The following NCAM1 variants were observed in gnomAD, a reference collection of about 807,000 sequenced individuals.
NCAM1 encodes the protein neural cell adhesion molecule 1, also known as antigen recognized by monoclonal antibody 5.1H11.
Under a neutral mutation model 109.8 loss-of-function variants are expected in NCAM1, and 14 were observed. The observed-to-expected ratio is 0.13, with a 90% CI of 0.08 to 0.20. The LOEUF is 0.20. Among genes scored for constraint, NCAM1 ranks in the 10% least tolerant of loss-of-function variants. The pLI, the probability that NCAM1 is intolerant of heterozygous loss-of-function variation, is 1.00. For missense variants in NCAM1, 774 were observed against 1,109.9 expected (o/e 0.70, Z 4.30); for synonymous variants, 418 against 442.9 (o/e 0.94, Z 0.70).
intron 1 of NCAM1, among the ~76,000 whole-genome samples, chr11:113,112,628 C>G (rs943911238): frequency 1.3e-5 from 2 of 152,246 alleles, no homozygotes; most frequent in South Asian, 4.1e-4. Context: ...CATTGTTCAC[C>G]ATTATGTAGA....
chr11:113,275,051 C>T (rs1347689156), intron 19 of NCAM1, among the ~76,000 whole-genome samples: 2 of 152,212 alleles, frequency 1.3e-5, no homozygotes, highest in Non-Finnish European at 2.9e-5. Context: ...TTTTAAAAGT[C>T]ACTGTGTCCG....
intron 1 of NCAM1, among the ~76,000 whole-genome samples, chr11:112,974,247 A>G (rs1950950727): frequency 6.6e-6 from 1 of 152,020 alleles, no homozygotes; most frequent in African/African-American, 2.4e-5. Flanking sequence ...ATCGCTGAGG[A>G]GTTCATAACA....
At position 113,205,987 on chromosome 11, in the gene NCAM1, G is replaced by A. The variant is rs918215800; in HGVS notation, c.491-56G>A. 4.7e-5 allele frequency: 76 copies of A among 1,603,242 alleles called. No homozygotes were observed. The African/African-American group carries it at 9.5e-4, about 20-fold the overall frequency. On this transcript the variant is annotated intron_variant, in intron 4 of 19. Transcript: ENST00000316851. ...AAAAAGGAAAGAGACTCAGCCACCT[G>A]CCTGCAGATGCTCTCTGACTGATTC... is the stretch of plus-strand genomic sequence containing the variant.
chr11:112,975,981 TGTGTTCTA>T (rs1950995217), intron 1 of NCAM1, among the ~76,000 whole-genome samples: 1 of 151,984 alleles, frequency 6.6e-6, no homozygotes, highest in Non-Finnish European at 1.5e-5. Context: ...TTCACTATTT[TGTGTTCTA>T]GTGATATTCA....
At chr11:113,179,815 G>A (rs117461034) in intron 1 of NCAM1, among the ~76,000 whole-genome samples, 563 of 152,312 alleles carry the variant, frequency 3.7e-3, no homozygotes, top group African/African-American at 0.011. Context: ...CTTTTAGGAT[G>A]CATGTCTTAA....
chr11:113,228,260 A>G (rs1272400697), intron 9 of NCAM1, among the ~76,000 whole-genome samples: 6 of 152,220 alleles, frequency 3.9e-5, no homozygotes, highest in African/African-American at 1.4e-4. Context: ...TCAATGTGCA[A>G]AAATCACAAG....
chr11:113,254,628 A>T (rs1004236285), intron 15 of NCAM1, among the ~76,000 whole-genome samples: 4 of 152,202 alleles, frequency 2.6e-5, no homozygotes, highest in Non-Finnish European at 5.9e-5. Context: ...CTGTGCCTGC[A>T]GCCGTCTCAT....
chr11:113,217,801 A>C (rs999724677), intron 8 of NCAM1, among the ~76,000 whole-genome samples: 28 of 152,214 alleles, frequency 1.8e-4, no homozygotes, highest in African/African-American at 6.5e-4. Context: ...AGTGCTTCTC[A>C]ACAGGGTCAT....
At chr11:113,160,255 TG>T (rs1231369811) in intron 1 of NCAM1, among the ~76,000 whole-genome samples, 7 of 152,262 alleles carry the variant, frequency 4.6e-5, no homozygotes, top group Admixed American at 6.5e-5. Flanking sequence ...CTCACCACAT[TG>T]GAGTTGACAG....
intron 1 of NCAM1, among the ~76,000 whole-genome samples, chr11:113,153,567 G>A (rs1275901033): frequency 6.6e-6 from 1 of 152,066 alleles, no homozygotes; most frequent in Non-Finnish European, 1.5e-5. Context: ...ACACTTTTAA[G>A]AATATGAATG....
chr11:113,000,851 C>CACAA (rs1555072319), intron 1 of NCAM1, among the ~76,000 whole-genome samples: 15 of 91,346 alleles, frequency 1.6e-4, no homozygotes, highest in African/African-American at 5.9e-4. Context: ...TATATATACA[C>CACAA]AAAAAATATA....
intron 1 of NCAM1, among the ~76,000 whole-genome samples, chr11:112,997,326 A>G (rs570192465): frequency 6.6e-6 from 1 of 152,212 alleles, no homozygotes; most frequent in Non-Finnish European, 1.5e-5. Flanking sequence ...AGGAGCATAA[A>G]TTTATTACAT....
At chr11:113,170,646 T>C (rs1344257291) in intron 1 of NCAM1, among the ~76,000 whole-genome samples, 10 of 152,174 alleles carry the variant, frequency 6.6e-5, no homozygotes, top group African/African-American at 2.4e-4. Context: ...TGCTTTGTTT[T>C]TTCTTTTCAT....
At chr11:113,016,603 TG>T (rs1223262503) in intron 1 of NCAM1, among the ~76,000 whole-genome samples, 21 of 152,090 alleles carry the variant, frequency 1.4e-4, no homozygotes, top group Admixed American at 1.4e-3. Flanking sequence ...ACCAGAGCCT[TG>T]TAGGGTGTGC....
intron 1 of NCAM1, among the ~76,000 whole-genome samples, chr11:113,024,740 G>C (rs935708391): frequency 6.6e-6 from 1 of 152,120 alleles, no homozygotes; most frequent in African/African-American, 2.4e-5. Flanking sequence ...TTTGCCACTG[G>C]TGTTGTGTTT....
chr11:112,994,857 G>T (rs536686316), intron 1 of NCAM1, among the ~76,000 whole-genome samples: 1 of 152,082 alleles, frequency 6.6e-6, no homozygotes, highest in African/African-American at 2.4e-5. Context: ...GTTTGTCAAT[G>T]GTTCTTCTTC....
chr11:113,233,062 G>C lies in NCAM1; in HGVS notation c.1523-85G>C. 1 of 1,357,738 alleles carries C rather than the reference G, an allele frequency of 7.4e-7. No individual in the cohort carries two copies. The highest frequency in any genetic ancestry group is 1.4e-5 in the South Asian group (1 of 72,934). 84.1% of individuals were successfully genotyped at this position (1,357,738 alleles called of 1,614,324 possible). ...AGGATTCCCAAGAGTGAGCAGAAAT[G>C]ACAGAGATGTGCCTTGTGACTGAGA... is the stretch of plus-strand genomic sequence containing the variant. On this transcript the variant is annotated intron_variant, in intron 12 of 19. Coordinates refer to ENST00000316851, the MANE Select transcript of NCAM1 (RefSeq NM_181351.5). This position sits in a 1 kb window ranked among gnomAD's most constrained non-coding sequence, Gnocchi z 4.5.
intron 1 of NCAM1, among the ~76,000 whole-genome samples, chr11:112,988,819 G>A (rs2134782082): frequency 6.8e-6 from 1 of 147,928 alleles, no homozygotes; most frequent in African/African-American, 2.5e-5. Context: ...CCCAATCTCA[G>A]CTCACTGCAA....
chr11:112,970,143 T>C (rs1299665962), intron 1 of NCAM1, among the ~76,000 whole-genome samples: 1 of 152,260 alleles, frequency 6.6e-6, no homozygotes, highest in South Asian at 2.1e-4. Context: ...ATTTAAATCT[T>C]AAATGTCAGA....
Sources: gnomAD v4.1 joint callset for allele counts (sites outside exome capture counted in the v4.1 genomes callset) on GRCh38, gnomAD v4.1.1 for gene constraint, Gnocchi (gnomAD v3.1) non-coding constraint, MANE v1.5 for transcripts, NCBI Gene and HGNC (gene_info 2026-07-23, HGNC 2026-07-21) for gene names.